Variants in RPRD2 observed in about 807,000 individuals in gnomAD.
RPRD2 encodes the protein regulation of nuclear pre-mRNA domain-containing protein 2.
RPRD2 carries 12 observed loss-of-function variants against 104.4 expected under a neutral mutation model. The observed-to-expected ratio is 0.11, with a 90% CI of 0.07 to 0.19. The LOEUF (loss-of-function observed/expected upper bound fraction) is 0.19, where lower values mean the gene tolerates loss of function less well. RPRD2 is among the 10% of genes least tolerant of loss of function. The pLI, the probability that RPRD2 is intolerant of heterozygous loss-of-function variation, is 1.00. For missense variants in RPRD2, 1,543 were observed against 1,790.1 expected, an observed-to-expected ratio of 0.86 and a Z score of 2.49; for synonymous variants, 714 against 684.9, an observed-to-expected ratio of 1.04 and a Z score of -0.66.
At chr1:150,458,660 AAG>A (rs1404171443) in intron 8 of RPRD2, among the ~76,000 whole-genome samples, 2 of 152,150 alleles carry the variant, frequency 1.3e-5, no homozygotes, top group South Asian at 2.1e-4. Context: ...TTGAGAGAAA[AAG>A]AGAGTTTCCC....
intron 9 of RPRD2, among the ~76,000 whole-genome samples, chr1:150,462,918 G>A (rs1026852387): frequency 2.0e-5 from 3 of 152,158 alleles, no homozygotes; most frequent in African/African-American, 7.2e-5. Flanking sequence ...CAGGGGTGCA[G>A]TCATGGCTCA....
chr1:150,463,104 T>C (rs189400499), intron 9 of RPRD2, among the ~76,000 whole-genome samples: 51 of 152,204 alleles, frequency 3.4e-4, no homozygotes, highest in African/African-American at 1.1e-3. Flanking sequence ...GTTCCTCCCA[T>C]CTTGGCCTCC....
At chr1:150,400,756 A>G (rs1455511259) in intron 1 of RPRD2, among the ~76,000 whole-genome samples, 2 of 151,974 alleles carry the variant, frequency 1.3e-5, no homozygotes, top group Non-Finnish European at 2.9e-5. Context: ...ATTATATATG[A>G]TGTTAGCTGT....
chr1:150,433,594 G>A (rs998203026), intron 2 of RPRD2, among the ~76,000 whole-genome samples: 4 of 149,030 alleles, frequency 2.7e-5, no homozygotes, highest in Non-Finnish European at 4.5e-5. Context: ...ACAGGCGCCC[G>A]CCACAACGCC....
chr1:150,441,500 T>C (rs1666401244), intron 3 of RPRD2: 1 of 203,310 alleles, frequency 4.9e-6, no homozygotes, highest in African/African-American at 2.4e-5. Context: ...ATGTATTATA[T>C]GCATGTAATT....
Position 150,473,981 on chromosome 1 carries a change from C to T in RPRD2, c.*647C>T, listed in dbSNP as rs1412774142. On this transcript the variant is annotated 3_prime_UTR_variant, in exon 11 of 11. Coordinates refer to ENST00000369068, the MANE Select transcript of RPRD2 (RefSeq NM_015203.5). The stretch of plus-strand genomic sequence containing the variant: ...CTCCTAAAATCTTTTTTTAATCAGC[C>T]TCAAGGTTAAAATAAGGAGTGACTA... 6 of 152,036 alleles carry T rather than the reference C, an allele frequency of 3.9e-5. No individual in the cohort carries two copies. The highest frequency in any genetic ancestry group is 7.4e-5 in the Non-Finnish European group (5 of 68,004). 9.4% of individuals were successfully genotyped at this position (152,036 alleles called of 1,614,324 possible).
chr1:150,465,658 C>CGTG (rs1354631172), intron 10 of RPRD2, among the ~76,000 whole-genome samples: 1 of 152,062 alleles, frequency 6.6e-6, no homozygotes, highest in African/African-American at 2.4e-5. Context: ...ACCATGACAC[C>CGTG]CTAGGGGCTG....
chr1:150,393,559 T>C (rs1441013069), intron 1 of RPRD2, among the ~76,000 whole-genome samples: 3 of 151,720 alleles, frequency 2.0e-5, no homozygotes, highest in African/African-American at 4.8e-5. Context: ...ACCCCATAGA[T>C]TATGAGTTAC....
chr1:150,441,180 G>T, intron 3 of RPRD2, 157 bp downstream of exon 3: 1 of 484,084 alleles, frequency 2.1e-6, no homozygotes, highest in Non-Finnish European at 3.6e-6. Flanking sequence ...ATCTAGATCT[G>T]TTTGAATTAA....
intron 1 of RPRD2, among the ~76,000 whole-genome samples, chr1:150,368,260 G>T (rs1553877553): frequency 1.8e-5 from 2 of 111,682 alleles, no homozygotes; most frequent in African/African-American, 3.4e-5. Flanking sequence ...TAAATTACAT[G>T]TATCTGTTTT....
In RPRD2 at chr1:150,472,938, C is replaced by T. The variant is rs1668693812; in HGVS notation, c.3990C>T (p.Ser1330=). The change falls in exon 11 of 11, where the codon TCC becomes TCT. Residue 1330 remains serine, a synonymous_variant. Transcript: ENST00000369068. ...CAGTATTTCCCAAGGACCATAGTTC[C>T]CTCCTTCAAGGGACCCTGGCTGAGC... ...AVAVFPKDHS[S]LLQGTLAEHF... The T allele has an allele frequency of 1.2e-6, 2 of 1,613,572 alleles. No individual in the cohort carries two copies. The highest frequency in any genetic ancestry group is 1.7e-5 in the Admixed American group (1 of 59,962).
At position 150,452,756 on chromosome 1, in the gene RPRD2, C is replaced by T. The variant is rs138676371; in HGVS notation, c.871-4532C>T. Among the ~76,000 whole-genome samples, 68 of 148,142 alleles carry T rather than the reference C, an allele frequency of 4.6e-4. No homozygotes were observed. In the South Asian group the frequency reaches 8.0e-3, roughly 17 times the overall value. ...CACGATCTCGGCTCACTGCAACCTCCGCCTCCCAGGTTTAAGCAATTCTCC... is the reference window on the plus strand; with the variant it reads ...CACGATCTCGGCTCACTGCAACCTCTGCCTCCCAGGTTTAAGCAATTCTCC... On this transcript the variant is annotated intron_variant, in intron 7 of 10. Coordinates refer to ENST00000369068, the MANE Select transcript of RPRD2 (RefSeq NM_015203.5).
chr1:150,382,673 T>A lies in RPRD2; in HGVS notation c.205+17754T>A, dbSNP rs978248143. Among the ~76,000 whole-genome samples the A allele has an allele frequency of 2.6e-5, 4 of 152,150 alleles. No homozygotes were observed. In the South Asian group the frequency reaches 8.3e-4, roughly 32 times the overall value. ...TGCACCTGGCCTATAGCTATTGTGCTAATATAAATGCATCTTGTTGGGTGC... is the reference window on the plus strand; with the variant it reads ...TGCACCTGGCCTATAGCTATTGTGCAAATATAAATGCATCTTGTTGGGTGC... On this transcript the variant is annotated intron_variant, in intron 1 of 10. Coordinates refer to ENST00000369068, the MANE Select transcript of RPRD2 (RefSeq NM_015203.5).
intron 2 of RPRD2, among the ~76,000 whole-genome samples, chr1:150,427,786 G>A (rs782704621): frequency 3.9e-5 from 6 of 152,098 alleles, no homozygotes; most frequent in Non-Finnish European, 8.8e-5. Context: ...GTGACATAGC[G>A]AGTCTCTGTC....
intron 6 of RPRD2, among the ~76,000 whole-genome samples, 169 bp downstream of exon 6, chr1:150,444,546 C>A (rs1168418355): frequency 1.3e-5 from 2 of 152,106 alleles, no homozygotes; most frequent in African/African-American, 4.8e-5. Context: ...TAAGTAAATT[C>A]TGTTGTTCTC....
At chr1:150,469,409 T>C (rs1668472468) in intron 10 of RPRD2, among the ~76,000 whole-genome samples, 1 of 152,154 alleles carries the variant, frequency 6.6e-6, no homozygotes. Context: ...CCTGAGTAGC[T>C]AGGACTACAG....
In RPRD2 at chr1:150,441,553, G is replaced by A. The variant is rs1484600959; in HGVS notation, c.437-328G>A. The A allele has an allele frequency of 3.4e-5, 8 of 235,294 alleles. 1 individual carries two copies. Among genetic ancestry groups the A allele is most frequent in the South Asian group, 1.6e-4 (2 of 12,616 alleles). The allele number at this position is 235,294 out of a possible 1,614,324, so 14.6% of individuals were successfully genotyped here. A position where few individuals can be genotyped will look rare whatever the true frequency, so the allele number is the denominator to read the frequency against. On this transcript the variant is annotated intron_variant, in intron 3 of 10. Coordinates refer to ENST00000369068, the MANE Select transcript of RPRD2 (RefSeq NM_015203.5). ...TTTGTGATAATCTGCTACCATGACCGTCATTTTACTAGAAATTTGCTTTAA... is the reference window on the plus strand; with the variant it reads ...TTTGTGATAATCTGCTACCATGACCATCATTTTACTAGAAATTTGCTTTAA...
chr1:150,431,606 G>A (rs1665600890), intron 2 of RPRD2, among the ~76,000 whole-genome samples: 1 of 150,012 alleles, frequency 6.7e-6, no homozygotes, highest in Non-Finnish European at 1.5e-5. Context: ...TCAGCCTTCT[G>A]AGTAGCTGGG....
At chr1:150,389,535 A>G (rs1661901223) in intron 1 of RPRD2, among the ~76,000 whole-genome samples, 1 of 152,184 alleles carries the variant, frequency 6.6e-6, no homozygotes, top group Non-Finnish European at 1.5e-5. Flanking sequence ...CCATCCTATC[A>G]ACATGTTTTA....
Sources: allele counts gnomAD v4.1 joint callset (sites outside exome capture counted in the v4.1 genomes callset), GRCh38; gene constraint gnomAD v4.1.1; transcripts MANE v1.5; gene names NCBI Gene and HGNC (gene_info 2026-07-23, HGNC 2026-07-21).